The following NECAB1 variants were observed in gnomAD, a reference collection of about 807,000 sequenced individuals.
NECAB1 encodes the protein N-terminal EF-hand calcium-binding protein 1.
A neutral mutation model predicts 57.5 loss-of-function variants in NECAB1; 29 were observed. That is an observed-to-expected ratio of 0.50 (90% CI 0.38 to 0.69). The LOEUF (loss-of-function observed/expected upper bound fraction) is 0.69, where lower values mean the gene tolerates loss of function less well. Among genes scored for constraint, NECAB1 ranks in the 30% least tolerant of loss-of-function variants. The probability of loss-of-function intolerance (pLI) is 0.00; values close to 1 mark genes in which losing one functional copy is unlikely to be tolerated. For missense variants in NECAB1, 372 were observed against 413.8 expected (o/e 0.90, Z 0.88); for synonymous variants, 142 against 147.7 (o/e 0.96, Z 0.28).
At chr8:90,801,768 ACCT>A in intron 2 of NECAB1, 53 bp downstream of exon 2, 1 of 1,163,696 alleles carries the variant, frequency 8.6e-7, no homozygotes, top group Non-Finnish European at 1.2e-6. Context: ...ATTTTATATT[ACCT>A]TATAAATAAT....
intron 4 of NECAB1, among the ~76,000 whole-genome samples, chr8:90,873,037 C>T (rs1808647240): frequency 6.6e-6 from 1 of 152,068 alleles, no homozygotes; most frequent in Non-Finnish European, 1.5e-5. Flanking sequence ...GGTTATTTTC[C>T]ATTTCATCAA....
At chr8:90,813,822 A>G (rs943035134) in intron 2 of NECAB1, among the ~76,000 whole-genome samples, 3 of 152,170 alleles carry the variant, frequency 2.0e-5, no homozygotes, top group Admixed American at 6.5e-5. Flanking sequence ...TTGTTTTAAA[A>G]GTTTTAGATT....
chr8:90,873,628 A>AT (rs1484343638), intron 4 of NECAB1, among the ~76,000 whole-genome samples: 1 of 152,170 alleles, frequency 6.6e-6, no homozygotes, highest in Non-Finnish European at 1.5e-5. Context: ...ATTTATATCT[A>AT]TTTTTTGTTT....
intron 6 of NECAB1, among the ~76,000 whole-genome samples, chr8:90,922,195 T>C (rs1428903280): frequency 6.6e-6 from 1 of 152,242 alleles, no homozygotes; most frequent in Non-Finnish European, 1.5e-5. Context: ...AAACTAAATT[T>C]CTAGGAACAC....
chr8:90,915,602 T>C (rs1391588200), intron 5 of NECAB1, among the ~76,000 whole-genome samples: 2 of 152,128 alleles, frequency 1.3e-5, no homozygotes, highest in African/African-American at 4.8e-5. Flanking sequence ...ACAGAAATAA[T>C]AGGATAGATG....
At chr8:90,931,030 A>T (rs892353674) in intron 8 of NECAB1, among the ~76,000 whole-genome samples, 6 of 151,686 alleles carry the variant, frequency 4.0e-5, no homozygotes, top group Non-Finnish European at 5.9e-5. Flanking sequence ...TTTTTTTCTA[A>T]CTTTAAATCA....
intron 2 of NECAB1, among the ~76,000 whole-genome samples, chr8:90,816,400 A>G (rs192510587): frequency 1.5e-4 from 23 of 151,900 alleles, no homozygotes; most frequent in Non-Finnish European, 2.4e-4. Flanking sequence ...ATGATGTTGT[A>G]TCCAAAAGCT....
At chr8:90,822,260 A>G (rs949418350) in intron 2 of NECAB1, among the ~76,000 whole-genome samples, 2 of 151,958 alleles carry the variant, frequency 1.3e-5, no homozygotes, top group Non-Finnish European at 2.9e-5. Context: ...ATACAAATTT[A>G]TAATTGCTTT....
intron 5 of NECAB1, among the ~76,000 whole-genome samples, chr8:90,888,005 A>AT (rs1322178197): frequency 1.3e-5 from 2 of 151,870 alleles, no homozygotes; most frequent in Non-Finnish European, 2.9e-5. Context: ...ATTAGTAATC[A>AT]TTTTTTTTCA....
At chr8:90,897,960 A>G (rs1256929408) in intron 5 of NECAB1, among the ~76,000 whole-genome samples, 1 of 152,184 alleles carries the variant, frequency 6.6e-6, no homozygotes, top group Non-Finnish European at 1.5e-5. Flanking sequence ...ATTCCTTTTT[A>G]TGTTTTACTA....
chr8:90,882,144 AAACC>A (rs1228618650), intron 5 of NECAB1, among the ~76,000 whole-genome samples: 1 of 152,218 alleles, frequency 6.6e-6, no homozygotes, highest in Non-Finnish European at 1.5e-5. Context: ...TAAAAACAAA[AAACC>A]TCATGCAGTC....
chr8:90,828,648 C>T (rs528364010), intron 3 of NECAB1, among the ~76,000 whole-genome samples: 1 of 152,064 alleles, frequency 6.6e-6, no homozygotes, highest in African/African-American at 2.4e-5. Context: ...CATGGGAAAC[C>T]CAGCTTTCCA....
At chr8:90,894,685 T>C (rs748201842) in intron 5 of NECAB1, among the ~76,000 whole-genome samples, 3 of 152,214 alleles carry the variant, frequency 2.0e-5, no homozygotes, top group Non-Finnish European at 4.4e-5. Context: ...AAACAATTGC[T>C]AAACATGTGG....
At chr8:90,926,872 G>A (rs1302961642) in intron 7 of NECAB1, among the ~76,000 whole-genome samples, 1 of 152,126 alleles carries the variant, frequency 6.6e-6, no homozygotes, top group Non-Finnish European at 1.5e-5. Context: ...CATTATAATA[G>A]GAGATACTGC....
At chr8:90,865,396 C>G (rs1434752182) in intron 3 of NECAB1, among the ~76,000 whole-genome samples, 1 of 152,100 alleles carries the variant, frequency 6.6e-6, no homozygotes, top group Non-Finnish European at 1.5e-5. Context: ...GTGATGATCA[C>G]TATACCCTCT....
chr8:90,796,827 T>A (rs1337663047), intron 1 of NECAB1, among the ~76,000 whole-genome samples: 1 of 152,214 alleles, frequency 6.6e-6, no homozygotes, highest in Admixed American at 6.5e-5. Context: ...ACAGTTCTGT[T>A]CATATTTAAT....
At chr8:90,852,465 G>A (rs1487100063) in intron 3 of NECAB1, among the ~76,000 whole-genome samples, 1 of 152,106 alleles carries the variant, frequency 6.6e-6, no homozygotes, top group Non-Finnish European at 1.5e-5. Context: ...GAAGAGGCAG[G>A]TCCCTGACAA....
chr8:90,881,603 C>G (rs1379166225), intron 5 of NECAB1, among the ~76,000 whole-genome samples: 1 of 152,184 alleles, frequency 6.6e-6, no homozygotes, highest in Non-Finnish European at 1.5e-5. Flanking sequence ...CCTCCTCTGG[C>G]CATGTGACAT....
In NECAB1 at chr8:90,917,870, A is replaced by ATATATATATATATATATATGTGTG. The variant is rs1554575432; in HGVS notation, c.494+243_494+244insATATATATATATATATATGTGTGT. Among the ~76,000 whole-genome samples the ATATATATATATATATATATGTGTG allele has an allele frequency of 4.3e-3, 274 of 64,194 alleles. 2 individuals are homozygous for ATATATATATATATATATATGTGTG. Among genetic ancestry groups the ATATATATATATATATATATGTGTG allele is most frequent in the Admixed American group, 8.4e-3 (41 of 4,894 alleles). The allele number at this position is 64,194 out of a possible 152,430, so 42.1% of individuals were successfully genotyped here. On this transcript the variant is annotated intron_variant, in intron 6 of 12. Coordinates refer to ENST00000417640, the MANE Select transcript of NECAB1 (RefSeq NM_022351.5). ...TATATATATATATATATATATATAT[A>ATATATATATATATATATATGTGTG]TGTGTGTGTGTGCGTGTATATATAT...
Sources: allele counts gnomAD v4.1 joint callset (sites outside exome capture counted in the v4.1 genomes callset), GRCh38; gene constraint gnomAD v4.1.1; transcripts MANE v1.5; gene names NCBI Gene and HGNC (gene_info 2026-07-23, HGNC 2026-07-21).